The following MTDH variants were observed in gnomAD, a reference collection of about 807,000 sequenced individuals.
The protein encoded by MTDH is metadherin, also known as protein LYRIC.
A neutral mutation model predicts 72.7 loss-of-function variants in MTDH; 34 were observed. The ratio of observed to expected loss-of-function variants is 0.47; its 90% CI spans 0.36 to 0.62. The LOEUF is 0.62. Among genes scored for constraint, MTDH ranks in the 20% least tolerant of loss-of-function variants. The probability of loss-of-function intolerance (pLI) is 0.00; values close to 1 mark genes in which losing one functional copy is unlikely to be tolerated. For missense variants in MTDH, 677 were observed against 699.4 expected, an observed-to-expected ratio of 0.97 and a Z score of 0.36; for synonymous variants, 266 against 268.9, an observed-to-expected ratio of 0.99 and a Z score of 0.10.
intron 7 of MTDH, 21 bp from the exon 8 acceptor site, chr8:97,706,605 A>G (rs1814363406): frequency 1.3e-6 from 2 of 1,533,152 alleles, no homozygotes; most frequent in African/African-American, 1.4e-5. Flanking sequence ...TAGACGCCTA[A>G]TTCACACTGT....
At chr8:97,718,511 G>C (rs1417713388) in intron 9 of MTDH, among the ~76,000 whole-genome samples, 3 of 134,444 alleles carry the variant, frequency 2.2e-5, no homozygotes, top group African/African-American at 9.6e-5. Flanking sequence ...TTTTGTTTTT[G>C]TTTTTGTTTT....
intron 3 of MTDH, 140 bp downstream of exon 3, chr8:97,686,892 C>G: frequency 5.0e-6 from 2 of 403,634 alleles, no homozygotes. Flanking sequence ...ATATATAGAG[C>G]TGTGACACTG....
At chr8:97,674,452 A>G (rs1812762559) in intron 2 of MTDH, among the ~76,000 whole-genome samples, 1 of 152,220 alleles carries the variant, frequency 6.6e-6, no homozygotes, top group Non-Finnish European at 1.5e-5. Flanking sequence ...AAATAGTGAA[A>G]TATAACTAGT....
chr8:97,711,410 G>T (rs1048080743), intron 8 of MTDH, among the ~76,000 whole-genome samples: 10 of 151,380 alleles, frequency 6.6e-5, no homozygotes, highest in Admixed American at 4.0e-4. Flanking sequence ...GGATCAGGAG[G>T]TCAAGGCTGT....
At position 97,661,157 on chromosome 8, in the gene MTDH, A is replaced by T. The variant is rs1223207425; in HGVS notation, c.467A>T (p.Asp156Val). 1.9e-6 allele frequency: 3 copies of T among 1,611,000 alleles called. No homozygotes were observed. The Admixed American group carries it at 5.0e-5, about 27-fold the overall frequency. The change falls in exon 2 of 12, where the codon GAC (aspartate) becomes GTC (valine). Residue 156 changes from aspartate to valine, a missense_variant. Asp to Val is a radical substitution (Grantham distance 152). This residue lies in a region of MTDH where 467 missense variants were observed against 469.1 expected (regional missense o/e 1.00). Coordinates refer to ENST00000336273, the MANE Select transcript of MTDH (RefSeq NM_178812.4). ...ACAGCAAAGCAGCCACCAGAGATTG[A>T]CAAGAAAAATGAAAAGGTAAGTTTG... ...SVTAKQPPEIDKKNEKSKKNK... is the reference protein window; with the variant it reads ...SVTAKQPPEIVKKNEKSKKNK...
At chr8:97,711,742 A>T (rs1814648563) in intron 8 of MTDH, among the ~76,000 whole-genome samples, 1 of 152,216 alleles carries the variant, frequency 6.6e-6, no homozygotes, top group Non-Finnish European at 1.5e-5. Context: ...ATAAAGTTTA[A>T]TTTGTAAATT....
intron 2 of MTDH, among the ~76,000 whole-genome samples, chr8:97,682,252 A>G (rs1326056154): frequency 2.7e-4 from 1 of 3,740 alleles, no homozygotes; most frequent in African/African-American, 1.2e-3. Context: ...ATATATATAT[A>G]TATATATATA....
At chr8:97,707,671 T>C (rs1814422043) in intron 8 of MTDH, among the ~76,000 whole-genome samples, 1 of 152,026 alleles carries the variant, frequency 6.6e-6, no homozygotes, top group Non-Finnish European at 1.5e-5. Context: ...TAGGAACTAA[T>C]GCTGGGCTGT....
In MTDH at chr8:97,685,761, G is replaced by GAA. The variant is rs1178320724; in HGVS notation, c.484-895_484-894dup. On this transcript the variant is annotated intron_variant, in intron 2 of 11. Transcript: ENST00000336273. ...GGTGACAGAGCAAGACTCCATCTCA[G>GAA]AAAAAAAAAAAAAGATAGTGTGCAG... Among the ~76,000 whole-genome samples, 779 of 122,910 alleles carry GAA rather than the reference G, an allele frequency of 6.3e-3. 4 individuals carry two copies. Among genetic ancestry groups the GAA allele is most frequent in the African/African-American group, 0.021 (687 of 33,334 alleles). The allele number at this position is 122,910 out of a possible 152,430, so 80.6% of individuals were successfully genotyped here.
intron 10 of MTDH, among the ~76,000 whole-genome samples, 164 bp downstream of exon 10, chr8:97,719,353 C>T (rs1342785259): frequency 6.6e-6 from 1 of 151,742 alleles, no homozygotes; most frequent in Non-Finnish European, 1.5e-5. Context: ...ATTAGCCGGG[C>T]ACGGTGATGG....
intron 7 of MTDH, among the ~76,000 whole-genome samples, chr8:97,702,643 C>T (rs1425511979): frequency 1.3e-5 from 2 of 152,290 alleles, no homozygotes; most frequent in East Asian, 3.9e-4. Flanking sequence ...TTAAAGTTTA[C>T]ATTGAATTAA....
intron 1 of MTDH, among the ~76,000 whole-genome samples, chr8:97,658,494 CTTG>C (rs1457429112): frequency 1.3e-5 from 2 of 152,148 alleles, no homozygotes; most frequent in African/African-American, 2.4e-5. Flanking sequence ...TGGCATTGAA[CTTG>C]TTGGTGAGTT....
At chr8:97,683,088 G>T (rs2130990642) in intron 2 of MTDH, among the ~76,000 whole-genome samples, 2 of 55,994 alleles carry the variant, frequency 3.6e-5, no homozygotes, top group Non-Finnish European at 3.6e-5. Context: ...TTTTTGAGAT[G>T]GAGTCTCTCT....
intron 4 of MTDH, 63 bp downstream of exon 4, chr8:97,687,668 A>G: frequency 7.5e-7 from 1 of 1,339,976 alleles, no homozygotes; most frequent in Middle Eastern, 1.9e-4. Context: ...CGGATGTACA[A>G]AATATCATTA....
At position 97,694,114 on chromosome 8, in the gene MTDH, A is replaced by T. The variant is rs553318836; in HGVS notation, c.1048+2926A>T. Reference sequence around the variant, plus strand: ...AGATATTTTTATCTGCTCTAATTTGAGGGAGCAATAGATACTAGAAACTTT... The same window carrying T: ...AGATATTTTTATCTGCTCTAATTTGTGGGAGCAATAGATACTAGAAACTTT... On this transcript the variant is annotated intron_variant, in intron 6 of 11. Coordinates refer to ENST00000336273, the MANE Select transcript of MTDH (RefSeq NM_178812.4). Among the ~76,000 whole-genome samples the T allele has an allele frequency of 1.6e-4, 25 of 152,132 alleles. No homozygotes were observed. The East Asian group carries it at 3.9e-3, about 24-fold the overall frequency.
chr8:97,675,509 G>A (rs1248260138), intron 2 of MTDH, among the ~76,000 whole-genome samples: 5 of 147,970 alleles, frequency 3.4e-5, no homozygotes, highest in African/African-American at 1.3e-4. Flanking sequence ...GCAGTGAGAC[G>A]AGATCGTGCC....
rs565300826 is a variant in MTDH, at chr8:97,657,216, G to T, written c.382-3856G>T. ...AAATTATAACAAGAAGGTAAACATGGTGATGTCTACAAGGAGTTTATCCAT... is the reference window on the plus strand; with the variant it reads ...AAATTATAACAAGAAGGTAAACATGTTGATGTCTACAAGGAGTTTATCCAT... On this transcript the variant is annotated intron_variant, in intron 1 of 11. Coordinates refer to ENST00000336273, the MANE Select transcript of MTDH (RefSeq NM_178812.4). Among the ~76,000 whole-genome samples the T allele has an allele frequency of 2.4e-4, 36 of 152,264 alleles. No individual in the cohort carries two copies. In the South Asian group the frequency reaches 6.8e-3, roughly 29 times the overall value.
rs372093376 is a variant in MTDH at position 97,681,543 on chromosome 8, G to T, written c.484-5125G>T. ...AATTTCGCTCTTGTTACCCAGTCTG[G>T]AGTGCAATGGTGTGATCTCAGCTCA... is the stretch of plus-strand genomic sequence containing the variant. On this transcript the variant is annotated intron_variant, in intron 2 of 11. Coordinates refer to ENST00000336273, the MANE Select transcript of MTDH (RefSeq NM_178812.4). 2.4e-3 allele frequency among the ~76,000 whole-genome samples: 343 copies of T among 145,000 alleles called. 16 individuals are homozygous for T. The South Asian group carries it at 0.072, about 30-fold the overall frequency.
chr8:97,705,273 G>C (rs749969831), intron 7 of MTDH, among the ~76,000 whole-genome samples: 7 of 151,098 alleles, frequency 4.6e-5, no homozygotes, highest in African/African-American at 1.7e-4. Flanking sequence ...CTCTAGCCTG[G>C]GTGACAGAGT....
Sources: allele counts gnomAD v4.1 joint callset (sites outside exome capture counted in the v4.1 genomes callset), GRCh38; gene constraint gnomAD v4.1.1; regional missense constraint gnomAD v4.1.1; transcripts MANE v1.5; gene names NCBI Gene and HGNC (gene_info 2026-07-23, HGNC 2026-07-21).